CDH12: variants seen among roughly 807,000 people sequenced by gnomAD.
CDH12 encodes the protein cadherin-12.
In CDH12, 41 loss-of-function variants were observed where a neutral mutation model predicts 74.1. That is an observed-to-expected ratio of 0.55 (90% CI 0.43 to 0.72). CDH12 has a LOEUF of 0.72. Among genes scored for constraint, CDH12 ranks in the 30% least tolerant of loss-of-function variants. CDH12 has a pLI of 0.00. For synonymous variants in CDH12, 399 were observed against 355.0 expected (o/e 1.12, Z -1.39); for missense variants, 945 against 977.2 (o/e 0.97, Z 0.44).
intron 1 of CDH12, among the ~76,000 whole-genome samples, chr5:22,670,404 A>G (rs1018159841): frequency 1.3e-5 from 2 of 152,214 alleles, no homozygotes; most frequent in Non-Finnish European, 2.9e-5. Context: ...TTAAGAATAT[A>G]GAGATAAGAA....
intron 2 of CDH12, among the ~76,000 whole-genome samples, chr5:22,490,932 A>T (rs1746835945): frequency 6.6e-6 from 1 of 152,148 alleles, no homozygotes; most frequent in Non-Finnish European, 1.5e-5. Flanking sequence ...TACATACAGG[A>T]CAGCCTAGAT....
At chr5:22,132,447 C>T (rs1186619455) in intron 4 of CDH12, among the ~76,000 whole-genome samples, 4 of 151,850 alleles carry the variant, frequency 2.6e-5, no homozygotes, top group Non-Finnish European at 2.9e-5. Flanking sequence ...TACGCATCCA[C>T]GATTTTAAGA....
intron 2 of CDH12, among the ~76,000 whole-genome samples, chr5:22,469,187 A>T (rs544208601): frequency 2.9e-4 from 44 of 152,314 alleles, no homozygotes; most frequent in Non-Finnish European, 4.7e-4. Flanking sequence ...CTCTCCACCA[A>T]GTGAAGAGCA....
intron 4 of CDH12, among the ~76,000 whole-genome samples, chr5:22,158,744 A>G (rs1388026510): frequency 1.3e-5 from 2 of 152,134 alleles, no homozygotes; most frequent in African/African-American, 4.8e-5. Context: ...TTTAAATAAA[A>G]GACTATGCAT....
chr5:22,453,872 G>A (rs550883856), intron 2 of CDH12, among the ~76,000 whole-genome samples: 2 of 151,668 alleles, frequency 1.3e-5, no homozygotes, highest in African/African-American at 2.4e-5. Flanking sequence ...CTAAGTAATC[G>A]ATTATTTTAA....
intron 6 of CDH12, among the ~76,000 whole-genome samples, chr5:21,863,069 A>G (rs1452245381): frequency 6.6e-6 from 1 of 152,150 alleles, no homozygotes; most frequent in African/African-American, 2.4e-5. Flanking sequence ...TAAAGCTCTA[A>G]GGGGTTTCTA....
chr5:21,913,484 C>T (rs17365156), intron 6 of CDH12, among the ~76,000 whole-genome samples: 6,527 of 152,022 alleles, frequency 0.043, 183 homozygotes, highest in Non-Finnish European at 0.063. Context: ...AGTTTCTGTC[C>T]GGGTGCTTAA....
intron 8 of CDH12, among the ~76,000 whole-genome samples, chr5:21,835,155 A>C (rs1749459394): frequency 6.6e-6 from 1 of 151,854 alleles, no homozygotes; most frequent in African/African-American, 2.4e-5. Flanking sequence ...ATTTACTCAC[A>C]ACAATAACAA....
At chr5:21,884,092 T>C in intron 6 of CDH12, 2 of 1,422,558 alleles carry the variant, frequency 1.4e-6, no homozygotes, top group South Asian at 1.1e-5. Context: ...TCCTCAGAAG[T>C]TGGTTATGAT....
intron 1 of CDH12, among the ~76,000 whole-genome samples, chr5:22,646,555 C>T (rs1195063901): frequency 1.3e-5 from 2 of 151,848 alleles, no homozygotes; most frequent in Non-Finnish European, 2.9e-5. Flanking sequence ...ATGTCCCAAA[C>T]ATAACACTAA....
intron 3 of CDH12, among the ~76,000 whole-genome samples, chr5:22,287,273 G>A (rs1044634391): frequency 2.0e-5 from 3 of 152,026 alleles, no homozygotes; most frequent in Admixed American, 6.6e-5. Context: ...AGAGGAATGC[G>A]AAATAATATT....
At chr5:22,294,210 A>G (rs1329778795) in intron 3 of CDH12, among the ~76,000 whole-genome samples, 1 of 152,212 alleles carries the variant, frequency 6.6e-6, no homozygotes, top group Non-Finnish European at 1.5e-5. Context: ...CAAACACATG[A>G]TAGAGCAAGG....
intron 3 of CDH12, among the ~76,000 whole-genome samples, chr5:22,300,983 C>T (rs932733058): frequency 8.5e-5 from 13 of 152,202 alleles, no homozygotes; most frequent in African/African-American, 2.9e-4. Context: ...TTTTGCATAA[C>T]AATAAGAGTA....
chr5:21,830,199 CA>C (rs1055199877), intron 8 of CDH12, among the ~76,000 whole-genome samples: 1,164 of 25,108 alleles, frequency 0.046, 2 homozygotes, highest in East Asian at 0.079. Flanking sequence ...AACTCCTTCT[CA>C]AAAAAAAAAA....
At chr5:21,973,687 C>T (rs912046982) in intron 6 of CDH12, among the ~76,000 whole-genome samples, 5 of 152,132 alleles carry the variant, frequency 3.3e-5, no homozygotes, top group African/African-American at 1.2e-4. Flanking sequence ...GAAGTAGGCA[C>T]CGAGTTAAAC....
At chr5:22,464,802 C>T (rs539451721) in intron 2 of CDH12, among the ~76,000 whole-genome samples, 7 of 152,100 alleles carry the variant, frequency 4.6e-5, no homozygotes, top group African/African-American at 1.7e-4. Flanking sequence ...AGGAATTGGA[C>T]ATCAGCCTGG....
At chr5:21,957,727 G>C (rs1234265384) in intron 6 of CDH12, among the ~76,000 whole-genome samples, 1 of 152,046 alleles carries the variant, frequency 6.6e-6, no homozygotes, top group Non-Finnish European at 1.5e-5. Flanking sequence ...CTTTTAAAAA[G>C]TGTCTGTTCA....
chr5:22,343,735 T>C (rs1262812124), intron 3 of CDH12, among the ~76,000 whole-genome samples: 1 of 152,148 alleles, frequency 6.6e-6, no homozygotes, highest in Non-Finnish European at 1.5e-5. Flanking sequence ...ATGTGGAAAG[T>C]TGTCTTCCAT....
chr5:22,348,863 G>T (rs904639159), intron 3 of CDH12, among the ~76,000 whole-genome samples: 1 of 152,184 alleles, frequency 6.6e-6, no homozygotes, highest in Non-Finnish European at 1.5e-5. Flanking sequence ...GCAATACAGG[G>T]AGTGTAGTTA....
Sources: gnomAD v4.1 joint callset for allele counts (sites outside exome capture counted in the v4.1 genomes callset) on GRCh38, gnomAD v4.1.1 for gene constraint, MANE v1.5 for transcripts, NCBI Gene and HGNC (gene_info 2026-07-23, HGNC 2026-07-21) for gene names.